The following KLF12 variants were observed in gnomAD, a reference collection of about 807,000 sequenced individuals.
KLF12 encodes the protein KLF transcription factor 12.
A neutral mutation model predicts 37.8 loss-of-function variants in KLF12; 9 were observed. The ratio of observed to expected loss-of-function variants is 0.24; its 90% confidence interval spans 0.14 to 0.42. The LOEUF (loss-of-function observed/expected upper bound fraction) is 0.42, where lower values mean the gene tolerates loss of function less well. Among genes scored for constraint, KLF12 ranks in the 10% least tolerant of loss-of-function variants. KLF12 has a pLI of 1.00. For synonymous variants in KLF12, 208 were observed against 202.1 expected (o/e 1.03, Z -0.25); for missense variants, 411 against 516.0 (o/e 0.80, Z 1.97).
At chr13:74,036,185 C>T (rs1893240656) in intron 1 of KLF12, among the ~76,000 whole-genome samples, 1 of 152,182 alleles carries the variant, frequency 6.6e-6, no homozygotes, top group Non-Finnish European at 1.5e-5. Flanking sequence ...TCCATACTTT[C>T]AACAATGTAT....
intron 5 of KLF12, among the ~76,000 whole-genome samples, chr13:73,781,777 C>T (rs1388056697): frequency 6.6e-6 from 1 of 152,014 alleles, no homozygotes; most frequent in African/African-American, 2.4e-5. Context: ...TAATCAACAA[C>T]ACACAAAGCA....
At chr13:74,004,708 T>C (rs1161963975) in intron 1 of KLF12, among the ~76,000 whole-genome samples, 1 of 152,166 alleles carries the variant, frequency 6.6e-6, no homozygotes, top group East Asian at 1.9e-4. Flanking sequence ...GAAAAACATA[T>C]TCCAAATCTG....
chr13:74,086,722 T>C (rs552028241), intron 1 of KLF12, among the ~76,000 whole-genome samples: 3 of 152,250 alleles, frequency 2.0e-5, no homozygotes, highest in Admixed American at 2.0e-4. Context: ...CTTTGTGTAA[T>C]GTTTGACTCC....
In KLF12 at chr13:73,688,370, A is replaced by C. The variant is rs1298845171; in HGVS notation, c.*7120T>G. 2.0e-5 allele frequency: 3 copies of C among 152,252 alleles called. No individual in the cohort carries two copies. The highest frequency in any genetic ancestry group is 4.8e-5 in the African/African-American group (2 of 41,468). 9.4% of individuals were successfully genotyped at this position (152,252 alleles called of 1,614,324 possible). On this transcript the variant is annotated 3_prime_UTR_variant, in exon 8 of 8. Transcript: ENST00000377669. The stretch of plus-strand genomic sequence containing the variant: ...GAACTCTGAAAAAGAATTATCCATT[A>C]TCTCTCCTTTATCATCATCTGAACG...
chr13:73,919,981 C>T (rs767570122), intron 3 of KLF12, among the ~76,000 whole-genome samples: 10 of 152,132 alleles, frequency 6.6e-5, no homozygotes, highest in African/African-American at 9.7e-5. Flanking sequence ...TTAGTTACCC[C>T]GCATTCCACT....
At chr13:74,170,712 G>T in the KLF12 span, among the ~76,000 whole-genome samples, 2 of 152,128 alleles carry the variant, frequency 1.3e-5, no homozygotes, top group East Asian at 3.8e-4. Flanking sequence ...TTGAAAAAGG[G>T]TGGTATGAGA....
chr13:74,067,690 G>A (rs1298466662), intron 1 of KLF12, among the ~76,000 whole-genome samples: 1 of 126,314 alleles, frequency 7.9e-6, no homozygotes, highest in Non-Finnish European at 1.7e-5. Flanking sequence ...ACCAACCAAA[G>A]AATAGTTTTA....
chr13:73,841,799 C>G (rs150276900), intron 4 of KLF12, among the ~76,000 whole-genome samples: 207 of 152,276 alleles, frequency 1.4e-3, no homozygotes, highest in Middle Eastern at 0.01. Context: ...CCTCCCAGTA[C>G]CACCACTGTG....
chr13:73,848,146 T>C (rs554105126), intron 3 of KLF12, among the ~76,000 whole-genome samples: 1 of 152,304 alleles, frequency 6.6e-6, no homozygotes, highest in East Asian at 1.9e-4. Flanking sequence ...AAAATTCTTA[T>C]TTTAGAGAGA....
intron 1 of KLF12, among the ~76,000 whole-genome samples, chr13:74,098,817 A>C (rs1208129683): frequency 6.6e-6 from 1 of 152,228 alleles, no homozygotes; most frequent in Non-Finnish European, 1.5e-5. Context: ...TTTATGTAGC[A>C]TTTAACCATT....
intron 5 of KLF12, among the ~76,000 whole-genome samples, chr13:73,789,332 TTC>T (rs1251754452): frequency 6.6e-6 from 1 of 152,194 alleles, no homozygotes; most frequent in East Asian, 1.9e-4. Flanking sequence ...TTGCTACATC[TTC>T]TTTCTGTAAA....
At chr13:74,018,090 T>C (rs1297050961) in intron 1 of KLF12, among the ~76,000 whole-genome samples, 2 of 152,116 alleles carry the variant, frequency 1.3e-5, no homozygotes, top group East Asian at 3.8e-4. Flanking sequence ...ACTGCTTTTT[T>C]TTTTTTTTAC....
chr13:73,925,823 G>T (rs1045850821), intron 3 of KLF12, among the ~76,000 whole-genome samples: 1 of 152,158 alleles, frequency 6.6e-6, no homozygotes, highest in Non-Finnish European at 1.5e-5. Flanking sequence ...GGAATAAGTT[G>T]ATTTCACCCA....
intron 1 of KLF12, among the ~76,000 whole-genome samples, chr13:74,051,693 T>A (rs1446009601): frequency 2.0e-5 from 3 of 151,764 alleles, no homozygotes; most frequent in Admixed American, 2.0e-4. Flanking sequence ...GGAGAAAGAA[T>A]TGGGATCAAG....
chr13:74,132,497 T>G (rs2139035158), intron 1 of KLF12, among the ~76,000 whole-genome samples: 1 of 152,322 alleles, frequency 6.6e-6, no homozygotes, highest in Non-Finnish European at 1.5e-5. Flanking sequence ...GAGAATTCCA[T>G]TAGCCAGTGG....
rs1293777599 is a variant in KLF12 at position 73,726,729 on chromosome 13, A to G, written c.870-11204T>C. 3.9e-5 allele frequency among the ~76,000 whole-genome samples: 6 copies of G among 152,178 alleles called. No homozygotes were observed. The South Asian group carries it at 1.0e-3, about 26-fold the overall frequency. On this transcript the variant is annotated intron_variant, in intron 6 of 7. Transcript: ENST00000377669. ...GGGTTGATTCCACTTTTTGGCTATT[A>G]TGAATAACACTGCTATAAACATTGT...
intron 1 of KLF12, among the ~76,000 whole-genome samples, chr13:74,092,023 C>T (rs1875695516): frequency 6.7e-6 from 1 of 150,066 alleles, no homozygotes; most frequent in Non-Finnish European, 1.5e-5. Context: ...GACGTGGTGG[C>T]TCACACCTGT....
the KLF12 span, among the ~76,000 whole-genome samples, chr13:74,151,015 C>A: frequency 6.6e-6 from 1 of 152,180 alleles, no homozygotes; most frequent in African/African-American, 2.4e-5. Context: ...AGATAAAACT[C>A]TTATTAGTAA....
the KLF12 span, among the ~76,000 whole-genome samples, chr13:74,162,662 T>G: frequency 2.0e-5 from 3 of 152,198 alleles, no homozygotes. Flanking sequence ...CTCTTCCACC[T>G]CCTCAGCATG....
Sources: gnomAD v4.1 joint callset for allele counts (sites outside exome capture counted in the v4.1 genomes callset) on GRCh38, gnomAD v4.1.1 for gene constraint, MANE v1.5 for transcripts, NCBI Gene and HGNC (gene_info 2026-07-23, HGNC 2026-07-21) for gene names.